GABRG3: variants seen among roughly 807,000 people sequenced by gnomAD.
GABRG3 encodes gamma-aminobutyric acid receptor subunit gamma-3.
GABRG3 carries 25 observed loss-of-function variants against 48.8 expected under a neutral mutation model. The observed-to-expected ratio is 0.51, with a 90% confidence interval of 0.37 to 0.72. The LOEUF is 0.72. Among genes scored for constraint, GABRG3 ranks in the 30% least tolerant of loss-of-function variants. The pLI is 0.00. For missense variants in GABRG3, 394 were observed against 577.9 expected, an observed-to-expected ratio of 0.68 and a Z score of 3.26; for synonymous variants, 227 against 217.6, an observed-to-expected ratio of 1.04 and a Z score of -0.38.
At chr15:27,029,383 T>A (rs7171856) in intron 3 of GABRG3, among the ~76,000 whole-genome samples, 31,921 of 152,154 alleles carry the variant, frequency 0.21, 3,633 homozygotes, top group African/African-American at 0.26. Flanking sequence ...AACGTACTAC[T>A]AGCCTACCTC....
intron 3 of GABRG3, among the ~76,000 whole-genome samples, chr15:27,231,587 C>T (rs371608279): frequency 1.3e-5 from 2 of 152,124 alleles, no homozygotes; most frequent in Non-Finnish European, 2.9e-5. Context: ...GAAAACCCAA[C>T]GTTAGTGACT....
rs538402205 is a variant in GABRG3 at position 26,997,954 on chromosome 15, C to T, written c.202+20804C>T. Among the ~76,000 whole-genome samples, 3 of 152,256 alleles carry T rather than the reference C, an allele frequency of 2.0e-5. No individual in the cohort carries two copies. The East Asian group carries it at 5.8e-4, about 29-fold the overall frequency. ...GGGTCAGGGTAACTTATTGTTCATC[C>T]AGTATTTGGTCAGCAGTTGTGTTTA... is the stretch of plus-strand genomic sequence containing the variant. On this transcript the variant is annotated intron_variant, in intron 2 of 9. Coordinates refer to ENST00000615808, the MANE Select transcript of GABRG3 (RefSeq NM_033223.5).
Position 27,263,086 on chromosome 15 carries a change from G to A in GABRG3, c.271-63723G>A, listed in dbSNP as rs145920800. ...CAAAACCCACTTAGGTCAATGCCAG[G>A]GGCTGTCACAGATAATGCAGAACGC... On this transcript the variant is annotated intron_variant, in intron 3 of 9. Coordinates refer to ENST00000615808, the MANE Select transcript of GABRG3 (RefSeq NM_033223.5). Among the ~76,000 whole-genome samples the A allele has an allele frequency of 7.3e-3, 1,112 of 152,256 alleles. 6 individuals are homozygous for A. The highest frequency in any genetic ancestry group is 0.012 in the Non-Finnish European group (807 of 68,022).
chr15:27,444,999 G>A (rs1338866080), intron 5 of GABRG3, among the ~76,000 whole-genome samples: 1 of 152,048 alleles, frequency 6.6e-6, no homozygotes, highest in African/African-American at 2.4e-5. Context: ...AGCCTCCCAA[G>A]TAGCTGTGAT....
chr15:27,114,162 C>T (rs941844247), intron 3 of GABRG3, among the ~76,000 whole-genome samples: 4 of 152,148 alleles, frequency 2.6e-5, no homozygotes, highest in Non-Finnish European at 2.9e-5. Context: ...AGGCTTGTCT[C>T]GTACATTTCT....
chr15:27,390,674 A>G (rs1011612950), intron 5 of GABRG3, among the ~76,000 whole-genome samples: 1 of 152,172 alleles, frequency 6.6e-6, no homozygotes, highest in Admixed American at 6.5e-5. Flanking sequence ...AGATCACTCC[A>G]TCTTTGGCCT....
intron 3 of GABRG3, among the ~76,000 whole-genome samples, chr15:27,154,461 T>C (rs1292388760): frequency 2.6e-5 from 4 of 152,198 alleles, no homozygotes; most frequent in African/African-American, 7.2e-5. Flanking sequence ...TTACCTGCAA[T>C]GTTTACTCTA....
intron 5 of GABRG3, among the ~76,000 whole-genome samples, chr15:27,394,304 G>T (rs1040491353): frequency 1.1e-4 from 16 of 151,976 alleles, no homozygotes; most frequent in Admixed American, 3.3e-4. Flanking sequence ...AAGCAATCCA[G>T]CTCAAATTAA....
chr15:26,990,161 A>C (rs1045981394), intron 2 of GABRG3, among the ~76,000 whole-genome samples: 1 of 152,234 alleles, frequency 6.6e-6, no homozygotes, highest in Non-Finnish European at 1.5e-5. Context: ...TTGCTGGATC[A>C]TATGGCAGCT....
chr15:27,206,275 G>C (rs757943828), intron 3 of GABRG3, among the ~76,000 whole-genome samples: 1 of 152,086 alleles, frequency 6.6e-6, no homozygotes, highest in African/African-American at 2.4e-5. Context: ...TAGTTTCAAA[G>C]AATTTCTTGA....
At chr15:27,147,071 T>C (rs1489553096) in intron 3 of GABRG3, among the ~76,000 whole-genome samples, 4 of 151,968 alleles carry the variant, frequency 2.6e-5, no homozygotes, top group African/African-American at 9.7e-5. Context: ...CACAAGTAAG[T>C]TGTAAATGAA....
intron 3 of GABRG3, among the ~76,000 whole-genome samples, chr15:27,248,803 C>CACACACACACACAGAGAG (rs1377080195): frequency 1.3e-4 from 14 of 110,238 alleles, no homozygotes; most frequent in East Asian, 9.9e-4. Context: ...CACACACACA[C>CACACACACACACAGAGAG]AGAGAGAGAG....
At chr15:27,103,095 A>G (rs1897388723) in intron 3 of GABRG3, among the ~76,000 whole-genome samples, 1 of 152,158 alleles carries the variant, frequency 6.6e-6, no homozygotes, top group African/African-American at 2.4e-5. Context: ...GTTGTCAGTG[A>G]ATTTGGAAGA....
At chr15:27,500,249 T>G (rs567870364) in intron 6 of GABRG3, among the ~76,000 whole-genome samples, 45 of 152,206 alleles carry the variant, frequency 3.0e-4, no homozygotes, top group African/African-American at 1.1e-3. Flanking sequence ...AGCACCCTCA[T>G]GCCCAGCCTG....
At chr15:27,493,527 A>G (rs1890408352) in intron 6 of GABRG3, among the ~76,000 whole-genome samples, 2 of 152,214 alleles carry the variant, frequency 1.3e-5, no homozygotes. Flanking sequence ...GAATAAAAAA[A>G]GAAATAGAGG....
At chr15:27,210,312 C>T (rs566729980) in intron 3 of GABRG3, among the ~76,000 whole-genome samples, 7 of 152,280 alleles carry the variant, frequency 4.6e-5, no homozygotes, top group East Asian at 1.9e-4. Flanking sequence ...CTTACAGATG[C>T]GAAAATAAGT....
intron 2 of GABRG3, among the ~76,000 whole-genome samples, chr15:27,023,229 C>T (rs1895928170): frequency 1.3e-5 from 2 of 152,112 alleles, no homozygotes; most frequent in African/African-American, 4.8e-5. Flanking sequence ...AATTGCTCCC[C>T]ACCACCCCAT....
At chr15:27,100,156 T>C (rs993300731) in intron 3 of GABRG3, among the ~76,000 whole-genome samples, 3 of 149,916 alleles carry the variant, frequency 2.0e-5, no homozygotes, top group Non-Finnish European at 3.0e-5. Flanking sequence ...AGGTGGAGGT[T>C]GCAGTGAGCC....
intron 3 of GABRG3, chr15:27,207,988 A>G (rs183499306): frequency 1.3e-5 from 2 of 152,422 alleles, no homozygotes; most frequent in Admixed American, 1.3e-4. Context: ...CTTGAGGGCA[A>G]GTGGCTCGTG....
Sources: allele counts gnomAD v4.1 joint callset (sites outside exome capture counted in the v4.1 genomes callset), GRCh38; gene constraint gnomAD v4.1.1; transcripts MANE v1.5; gene names NCBI Gene and HGNC (gene_info 2026-07-23, HGNC 2026-07-21).